KCNN2: variants seen among roughly 807,000 people sequenced by gnomAD.
KCNN2 encodes the protein potassium calcium-activated channel subfamily N member 2.
A neutral mutation model predicts 55.5 loss-of-function variants in KCNN2; 24 were observed. The observed-to-expected ratio is 0.43, with a 90% CI of 0.31 to 0.61. KCNN2 has a LOEUF of 0.61. KCNN2 is among the 20% of genes least tolerant of loss of function. KCNN2 has a pLI of 0.08. For synonymous variants in KCNN2, 431 were observed against 336.1 expected (o/e 1.28, Z -3.09); for missense variants, 754 against 853.6 (o/e 0.88, Z 1.45).
At chr5:114,220,113 T>C (rs1360074925) in intron 1 of KCNN2, among the ~76,000 whole-genome samples, 5 of 152,176 alleles carry the variant, frequency 3.3e-5, no homozygotes, top group Non-Finnish European at 5.9e-5. Flanking sequence ...GACTGTGTAA[T>C]TAGAAAAACT....
intron 1 of KCNN2, among the ~76,000 whole-genome samples, chr5:114,064,520 T>C (rs2112515332): frequency 6.6e-6 from 1 of 152,208 alleles, no homozygotes; most frequent in African/African-American, 2.4e-5. Flanking sequence ...TGAGGGAAGC[T>C]CTCTTAGACC....
At chr5:114,373,658 A>ATATATATATAT (rs1554084191) in intron 2 of KCNN2, among the ~76,000 whole-genome samples, 74 of 104,388 alleles carry the variant, frequency 7.1e-4, no homozygotes, top group Non-Finnish European at 1.0e-3. Flanking sequence ...ATATATATAT[A>ATATATATATAT]AAATTACTTG....
At chr5:114,351,960 G>A (rs1362524066) in intron 2 of KCNN2, among the ~76,000 whole-genome samples, 1 of 151,632 alleles carries the variant, frequency 6.6e-6, no homozygotes, top group African/African-American at 2.4e-5. Flanking sequence ...GGGTTCGGAA[G>A]TGTTTTTCCT....
chr5:114,289,684 A>G (rs577127546), intron 2 of KCNN2, among the ~76,000 whole-genome samples: 2 of 152,162 alleles, frequency 1.3e-5, no homozygotes, highest in Non-Finnish European at 2.9e-5. Flanking sequence ...GCCTGAATCA[A>G]CTTTTCTATT....
intron 2 of KCNN2, among the ~76,000 whole-genome samples, chr5:114,353,380 A>G (rs1561581822): frequency 6.6e-6 from 1 of 151,710 alleles, no homozygotes; most frequent in African/African-American, 2.4e-5. Flanking sequence ...TTCTACCTCA[A>G]TCCTTTGTGC....
rs1016668556 is a variant in KCNN2, at chr5:114,281,629, G to C, written c.-185+60064G>C. 7.4e-5 allele frequency among the ~76,000 whole-genome samples: 11 copies of C among 149,324 alleles called. No individual in the cohort carries two copies. In the East Asian group the frequency reaches 1.2e-3, roughly 16 times the overall value. On this transcript the variant is annotated intron_variant, in intron 2 of 10. Transcript: ENST00000512097. Reference sequence around the variant, plus strand: ...TCTCTCCCCGCCCCTCCATCTCTGTGTGTGTGTGTGTGTGTGTGTTTATGT... The same window carrying C: ...TCTCTCCCCGCCCCTCCATCTCTGTCTGTGTGTGTGTGTGTGTGTTTATGT...
At chr5:114,443,582 A>G (rs1760295372) in intron 3 of KCNN2, among the ~76,000 whole-genome samples, 1 of 152,256 alleles carries the variant, frequency 6.6e-6, no homozygotes, top group Non-Finnish European at 1.5e-5. Context: ...TATCCATTGC[A>G]TAAAATATTT....
chr5:114,399,558 T>C (rs1250054725), intron 2 of KCNN2, among the ~76,000 whole-genome samples: 3 of 152,196 alleles, frequency 2.0e-5, no homozygotes, highest in African/African-American at 7.2e-5. Context: ...CCTGAAGTTT[T>C]ATTTTTTTGT....
At chr5:114,277,700 G>T (rs139986922) in intron 2 of KCNN2, among the ~76,000 whole-genome samples, 245 of 152,214 alleles carry the variant, frequency 1.6e-3, no homozygotes, top group African/African-American at 5.3e-3. Context: ...GTAATTTAAG[G>T]TCTTCTCTAC....
chr5:114,187,727 C>G (rs1753366831), intron 1 of KCNN2, among the ~76,000 whole-genome samples: 1 of 151,522 alleles, frequency 6.6e-6, no homozygotes, highest in Non-Finnish European at 1.5e-5. Context: ...AGGATGGTCT[C>G]AATCTCCTGA....
intron 2 of KCNN2, among the ~76,000 whole-genome samples, chr5:114,294,185 T>C (rs538956268): frequency 6.6e-6 from 1 of 152,302 alleles, no homozygotes; most frequent in East Asian, 1.9e-4. Context: ...TTTGTGTCTC[T>C]ATTTCCTTCA....
chr5:114,375,322 G>A (rs1172284980), intron 2 of KCNN2, among the ~76,000 whole-genome samples: 4 of 152,116 alleles, frequency 2.6e-5, no homozygotes, highest in African/African-American at 9.7e-5. Flanking sequence ...ATGGCTGTGG[G>A]ATGTATAATA....
At chr5:114,326,566 C>T (rs1756717987) in intron 2 of KCNN2, among the ~76,000 whole-genome samples, 1 of 152,172 alleles carries the variant, frequency 6.6e-6, no homozygotes, top group African/African-American at 2.4e-5. Context: ...TGCTTCTGCA[C>T]AATTCCTCTG....
intron 2 of KCNN2, among the ~76,000 whole-genome samples, chr5:114,336,049 A>G (rs187286242): frequency 6.6e-6 from 1 of 152,342 alleles, no homozygotes; most frequent in East Asian, 1.9e-4. Context: ...TCCCTTGAAG[A>G]CATTCTAAAG....
chr5:114,076,058 G>A (rs1335628186), intron 1 of KCNN2, among the ~76,000 whole-genome samples: 1 of 152,242 alleles, frequency 6.6e-6, no homozygotes, highest in Non-Finnish European at 1.5e-5. Context: ...TTGTTAGGCA[G>A]CAATAACTAA....
intron 1 of KCNN2, among the ~76,000 whole-genome samples, chr5:114,211,294 A>G (rs529736254): frequency 6.6e-6 from 1 of 152,314 alleles, no homozygotes; most frequent in South Asian, 2.1e-4. Context: ...ACAATAGCAA[A>G]GACATGGAAC....
intron 1 of KCNN2, among the ~76,000 whole-genome samples, chr5:114,141,087 CATT>C (rs1045606127): frequency 9.9e-5 from 15 of 151,886 alleles, no homozygotes; most frequent in Non-Finnish European, 2.1e-4. Context: ...ATGCCTGCTT[CATT>C]ATTATTATTT....
At chr5:114,186,927 T>G (rs1483969396) in intron 1 of KCNN2, among the ~76,000 whole-genome samples, 1 of 152,124 alleles carries the variant, frequency 6.6e-6, no homozygotes, top group East Asian at 1.9e-4. Context: ...CCAAATTTGA[T>G]GGAATACAGA....
chr5:114,469,771 A>G (rs773378607), intron 4 of KCNN2, among the ~76,000 whole-genome samples: 1 of 152,208 alleles, frequency 6.6e-6, no homozygotes, highest in Non-Finnish European at 1.5e-5. Context: ...CCTTGAACCT[A>G]GAAAGCTTTC....
Sources: gnomAD v4.1 joint callset for allele counts (sites outside exome capture counted in the v4.1 genomes callset) on GRCh38, gnomAD v4.1.1 for gene constraint, MANE v1.5 for transcripts, NCBI Gene and HGNC (gene_info 2026-07-23, HGNC 2026-07-21) for gene names.